IGSF21: variants seen among roughly 807,000 people sequenced by gnomAD.
The protein encoded by IGSF21 is immunoglobulin superfamily member 21.
A neutral mutation model predicts 46.8 loss-of-function variants in IGSF21; 28 were observed. The ratio of observed to expected loss-of-function variants is 0.60; its 90% CI spans 0.44 to 0.82. The LOEUF (loss-of-function observed/expected upper bound fraction) is 0.82. Ranked by LOEUF, IGSF21 falls within the 40% of genes least tolerant of loss-of-function variation. IGSF21 has a pLI of 0.00. For synonymous variants in IGSF21, 284 were observed against 273.6 expected (o/e 1.04, Z -0.38); for missense variants, 624 against 665.5 (o/e 0.94, Z 0.69).
chr1:18,293,843 C>T (rs1234022593), intron 3 of IGSF21, among the ~76,000 whole-genome samples: 2 of 152,156 alleles, frequency 1.3e-5, no homozygotes, highest in African/African-American at 4.8e-5. Context: ...TCTAGGACTC[C>T]TTGGTTCTGA....
intron 3 of IGSF21, among the ~76,000 whole-genome samples, chr1:18,310,266 C>T (rs774999181): frequency 1.3e-4 from 20 of 152,146 alleles, no homozygotes; most frequent in Non-Finnish European, 2.4e-4. Context: ...CACAGCTGCC[C>T]AGGTCAAGAT....
Position 18,314,232 on chromosome 1 carries a change from C to T in IGSF21, c.306-20660C>T, listed in dbSNP as rs72655185. On this transcript the variant is annotated intron_variant, in intron 3 of 9. Transcript: ENST00000251296. ...TTAAATTACAGTGGAACTGAAACCA[C>T]CTTGATAAACCTATTCTCCTGCATC... 4.0e-3 allele frequency among the ~76,000 whole-genome samples: 601 copies of T among 152,068 alleles called. 2 individuals are homozygous for T. The highest frequency in any genetic ancestry group is 6.1e-3 in the Non-Finnish European group (415 of 68,004).
chr1:18,291,015 G>A (rs1176925434), intron 2 of IGSF21, among the ~76,000 whole-genome samples: 1 of 152,166 alleles, frequency 6.6e-6, no homozygotes, highest in Non-Finnish European at 1.5e-5. Context: ...AACTGCAGCC[G>A]AGTAAACAGA....
At chr1:18,376,599 A>G (rs541961238) in intron 7 of IGSF21, among the ~76,000 whole-genome samples, 1 of 152,334 alleles carries the variant, frequency 6.6e-6, no homozygotes, top group South Asian at 2.1e-4. Context: ...CACACCTTCT[A>G]GAACTCAGAG....
At chr1:18,208,150 A>T (rs974124561) in intron 1 of IGSF21, among the ~76,000 whole-genome samples, 3 of 151,556 alleles carry the variant, frequency 2.0e-5, no homozygotes, top group African/African-American at 7.3e-5. Context: ...AATAGCACAG[A>T]TGCCTGAGGG....
In IGSF21 at chr1:18,334,887, C is replaced by T; in HGVS notation, c.306-5C>T. 1 of 1,612,494 alleles carries T rather than the reference C, an allele frequency of 6.2e-7. No individual in the cohort carries two copies. The highest frequency in any genetic ancestry group is 8.5e-7 in the Non-Finnish European group (1 of 1,178,606). On this transcript the variant is annotated splice_region_variant and splice_polypyrimidine_tract_variant and intron_variant, in intron 3 of 9. Transcript: ENST00000251296. The surrounding 1 kb of genome is among the most constrained non-coding windows in gnomAD (Gnocchi z 4.3). ...GGCCCTCACCCTGTCTTCTGCCTCC[C>T]CCAGGCTGCCCGAGGTCCGGATCTC...
intron 1 of IGSF21, among the ~76,000 whole-genome samples, chr1:18,125,482 T>C (rs2086267442): frequency 6.6e-6 from 1 of 152,210 alleles, no homozygotes; most frequent in African/African-American, 2.4e-5. Flanking sequence ...GTTGGAAATT[T>C]ACAGCAGAGA....
intron 4 of IGSF21, among the ~76,000 whole-genome samples, chr1:18,353,061 C>G (rs1393942587): frequency 1.3e-5 from 2 of 152,122 alleles, no homozygotes; most frequent in Non-Finnish European, 2.9e-5. Flanking sequence ...ATAAAAGGGC[C>G]CATTGCAGCC....
rs78902670 is a variant in IGSF21, at chr1:18,364,002, T to A, written c.541-1221T>A. Among the ~76,000 whole-genome samples the A allele has an allele frequency of 9.2e-5, 14 of 152,252 alleles. No individual in the cohort carries two copies. The East Asian group carries it at 2.7e-3, about 29-fold the overall frequency. ...CCAGTCTCCCTAAAATCAGGAAAGC[T>A]GTTTTTTTCTCACAGAGAAAAAGTC... is the stretch of plus-strand genomic sequence containing the variant. On this transcript the variant is annotated intron_variant, in intron 5 of 9. Transcript: ENST00000251296.
At chr1:18,282,868 C>T (rs772894987) in intron 2 of IGSF21, among the ~76,000 whole-genome samples, 2 of 152,190 alleles carry the variant, frequency 1.3e-5, no homozygotes, top group African/African-American at 2.4e-5. Context: ...TACGCATGAA[C>T]ATTCTCATTA....
chr1:18,166,466 A>G (rs1012511033), intron 1 of IGSF21, among the ~76,000 whole-genome samples: 5 of 152,182 alleles, frequency 3.3e-5, no homozygotes, highest in South Asian at 4.1e-4. Flanking sequence ...AAGTCACTCT[A>G]TCTGAGACGC....
At chr1:18,163,714 C>G (rs555253569) in intron 1 of IGSF21, among the ~76,000 whole-genome samples, 1 of 152,116 alleles carries the variant, frequency 6.6e-6, no homozygotes, top group Non-Finnish European at 1.5e-5. Flanking sequence ...TGGGAAAAGG[C>G]CCCCCAAGCT....
At chr1:18,273,325 G>A (rs1028657721) in intron 2 of IGSF21, among the ~76,000 whole-genome samples, 1 of 121,428 alleles carries the variant, frequency 8.2e-6, no homozygotes, top group African/African-American at 3.4e-5. Flanking sequence ...ACAGGCATGA[G>A]CCACCATTCC....
chr1:18,191,587 C>T (rs961320987), intron 1 of IGSF21, among the ~76,000 whole-genome samples: 1 of 151,992 alleles, frequency 6.6e-6, no homozygotes, highest in Non-Finnish European at 1.5e-5. Flanking sequence ...GGGTGTGTAT[C>T]CCCTGGCGCG....
rs1228179214 is a variant in IGSF21, at chr1:18,118,932, CTTCT to C, written c.70+10738_70+10741del. Among the ~76,000 whole-genome samples the C allele has an allele frequency of 3.6e-5, 5 of 139,950 alleles. No individual in the cohort carries two copies. In the East Asian group the frequency reaches 9.8e-4, roughly 27 times the overall value. The allele number at this position is 139,950 out of a possible 152,430, so 91.8% of individuals were successfully genotyped here. The stretch of plus-strand genomic sequence containing the variant: ...CCTCCCTCCCTCCCTTCCTTTCTTC[CTTCT>C]TTCCTTCTTTCCTTGTCTGATTGAG... On this transcript the variant is annotated intron_variant, in intron 1 of 9. Transcript: ENST00000251296.
chr1:18,204,246 C>T (rs973711904), intron 1 of IGSF21, among the ~76,000 whole-genome samples: 5 of 152,136 alleles, frequency 3.3e-5, no homozygotes, highest in Admixed American at 6.5e-5. Context: ...AGCCTTAGAA[C>T]GATGCAGTCA....
chr1:18,322,821 G>C lies in IGSF21; in HGVS notation c.306-12071G>C, dbSNP rs1215869697. 6.6e-6 allele frequency among the ~76,000 whole-genome samples: 1 copy of C among 152,188 alleles called. No homozygotes were observed. The highest frequency in any genetic ancestry group is 1.5e-5 in the Non-Finnish European group (1 of 68,034). Reference sequence around the variant, plus strand: ...AGTGGTTTCCATGGCAGCAGCCAGAGTCTGGAAAAGAGGCCTGGAGAGGAA... The same window carrying C: ...AGTGGTTTCCATGGCAGCAGCCAGACTCTGGAAAAGAGGCCTGGAGAGGAA... On this transcript the variant is annotated intron_variant, in intron 3 of 9. Coordinates refer to ENST00000251296, the MANE Select transcript of IGSF21 (RefSeq NM_032880.5). This position sits in a 1 kb window ranked among gnomAD's most constrained non-coding sequence, Gnocchi z 4.3.
rs531107105 is a variant in IGSF21, at chr1:18,313,922, T to C, written c.306-20970T>C. On this transcript the variant is annotated intron_variant, in intron 3 of 9. Transcript: ENST00000251296. ...TTGGAAACAGTTTTGAAGCAGGGGG[T>C]CTTTTCCTTTATTACAGCCGTCTCA... 1.4e-4 allele frequency among the ~76,000 whole-genome samples: 21 copies of C among 152,206 alleles called. No homozygotes were observed. In the South Asian group the frequency reaches 4.4e-3, roughly 32 times the overall value.
At chr1:18,281,565 CAA>C (rs1198619675) in intron 2 of IGSF21, among the ~76,000 whole-genome samples, 2,584 of 101,050 alleles carry the variant, frequency 0.026, 88 homozygotes, top group African/African-American at 0.08. Context: ...GACTCTGTCT[CAA>C]AAAAAAAAAA....
Sources: gnomAD v4.1 joint callset for allele counts (sites outside exome capture counted in the v4.1 genomes callset) on GRCh38, gnomAD v4.1.1 for gene constraint, Gnocchi (gnomAD v3.1) non-coding constraint, MANE v1.5 for transcripts, NCBI Gene and HGNC (gene_info 2026-07-23, HGNC 2026-07-21) for gene names.